Variants in NAMPT observed in about 807,000 individuals in gnomAD.
NAMPT encodes nicotinamide phosphoribosyltransferase.
In NAMPT, 7 loss-of-function variants were observed where a neutral mutation model predicts 58.7. The ratio of observed to expected loss-of-function variants is 0.12; its 90% confidence interval spans 0.07 to 0.22. The LOEUF is 0.22. Among genes scored for constraint, NAMPT ranks in the 10% least tolerant of loss-of-function variants. The pLI is 1.00. For synonymous variants in NAMPT, 145 were observed against 198.1 expected (o/e 0.73, Z 2.25); for missense variants, 271 against 567.9 (o/e 0.48, Z 5.31).
intron 4 of NAMPT, among the ~76,000 whole-genome samples, chr7:106,269,580 G>A (rs1193715699): frequency 6.6e-6 from 1 of 152,116 alleles, no homozygotes; most frequent in Admixed American, 6.5e-5. Context: ...AAGCTTCAAA[G>A]AAGCAAATAA....
chr7:106,284,966 T>G lies in NAMPT; in HGVS notation c.-82A>C, dbSNP rs982303422. 35 of 1,530,406 alleles carry G rather than the reference T, an allele frequency of 2.3e-5. No individual in the cohort carries two copies. The Middle Eastern group carries it at 7.2e-4, about 32-fold the overall frequency. The allele number at this position is 1,530,406 out of a possible 1,614,324, so 94.8% of individuals were successfully genotyped here. A position where few individuals can be genotyped will look rare whatever the true frequency, so the allele number is the denominator to read the frequency against. On this transcript the variant is annotated 5_prime_UTR_variant, in exon 1 of 11. Coordinates refer to ENST00000222553, the MANE Select transcript of NAMPT (RefSeq NM_005746.3). ...AGGAGAAAAATGAGCTTCACCGCGCTCCGTTGCTTAAGTCACTGCTCGGTC... is the reference window on the plus strand; with the variant it reads ...AGGAGAAAAATGAGCTTCACCGCGCGCCGTTGCTTAAGTCACTGCTCGGTC...
Position 106,248,980 on chromosome 7 carries a change from A to G in NAMPT, c.*2103T>C, listed in dbSNP as rs1342000894. ...ACTGCAAATTTCTAAATTAAACTCT[A>G]TTCTGAAGCTGCTGAAATTCACAGA... On this transcript the variant is annotated 3_prime_UTR_variant, in exon 11 of 11. Transcript: ENST00000222553. The G allele has an allele frequency of 6.6e-6, 1 of 152,096 alleles. No individual in the cohort carries two copies. Among genetic ancestry groups the G allele is most frequent in the East Asian group, 1.9e-4 (1 of 5,198 alleles). 9.4% of individuals were successfully genotyped at this position (152,096 alleles called of 1,614,324 possible).
intron 6 of NAMPT, 109 bp downstream of exon 6, chr7:106,268,355 T>A: frequency 1.1e-6 from 1 of 941,196 alleles, no homozygotes; most frequent in Non-Finnish European, 1.6e-6. Flanking sequence ...CTCAAGTTCA[T>A]GAAGATGTAC....
intron 1 of NAMPT, chr7:106,284,464 G>C (rs1195702477): frequency 6.6e-6 from 1 of 152,432 alleles, no homozygotes; most frequent in East Asian, 1.9e-4. Flanking sequence ...AAGAGGCCGC[G>C]CTTCAGGGAA....
chr7:106,256,677 G>A (rs1304421675), intron 8 of NAMPT, among the ~76,000 whole-genome samples: 1 of 152,176 alleles, frequency 6.6e-6, no homozygotes, highest in Non-Finnish European at 1.5e-5. Context: ...TTAGATGACT[G>A]CTCAACTGTA....
intron 7 of NAMPT, among the ~76,000 whole-genome samples, chr7:106,262,345 T>C (rs1046511676): frequency 2.6e-5 from 4 of 152,096 alleles, no homozygotes; most frequent in Non-Finnish European, 5.9e-5. Context: ...AGAAATACAT[T>C]CTCTTCCCAC....
At chr7:106,276,292 G>GCC (rs929949040) in intron 2 of NAMPT, 36 of 152,152 alleles carry the variant, frequency 2.4e-4, no homozygotes, top group African/African-American at 8.7e-4. Context: ...CCTAGAAATG[G>GCC]CCTTTCAAAT....
At chr7:106,265,802 A>T (rs1318666695) in intron 6 of NAMPT, among the ~76,000 whole-genome samples, 1 of 152,164 alleles carries the variant, frequency 6.6e-6, no homozygotes, top group East Asian at 1.9e-4. Context: ...AATTCTACCA[A>T]TGCCATAAAT....
At position 106,249,260 on chromosome 7, in the gene NAMPT, T is replaced by A. The variant is rs1405803736; in HGVS notation, c.*1823A>T. The A allele has an allele frequency of 2.6e-5, 4 of 152,522 alleles. No individual in the cohort carries two copies. The East Asian group carries it at 5.8e-4, about 22-fold the overall frequency. 9.4% of individuals were successfully genotyped at this position (152,522 alleles called of 1,614,324 possible). ...AATAATGCTTATTGTTCTCACTACA[T>A]GTTTAAAGAACCATCTGAAAAACAT... On this transcript the variant is annotated 3_prime_UTR_variant, in exon 11 of 11. Coordinates refer to ENST00000222553, the MANE Select transcript of NAMPT (RefSeq NM_005746.3).
At chr7:106,275,728 A>T (rs1792623706) in intron 2 of NAMPT, 1 of 152,256 alleles carries the variant, frequency 6.6e-6, no homozygotes, top group South Asian at 2.1e-4. Flanking sequence ...CAAGATAACT[A>T]GTAAACTCGT....
chr7:106,256,235 A>T (rs1427706034), intron 8 of NAMPT, among the ~76,000 whole-genome samples: 1 of 152,236 alleles, frequency 6.6e-6, no homozygotes, highest in African/African-American at 2.4e-5. Context: ...GGCGCTCTGT[A>T]TTTTGTCCAA....
At chr7:106,283,668 ATACTT>A (rs1157425157) in intron 1 of NAMPT, among the ~76,000 whole-genome samples, 2 of 152,336 alleles carry the variant, frequency 1.3e-5, no homozygotes, top group East Asian at 1.9e-4. Flanking sequence ...GGATTTTGCA[ATACTT>A]TAAACTTGCA....
chr7:106,284,650 C>T, intron 1 of NAMPT, 178 bp downstream of exon 1: 1 of 631,618 alleles, frequency 1.6e-6, no homozygotes, highest in Non-Finnish European at 2.1e-6. Context: ...CTGCCCACTG[C>T]GGCGCCTCCT....
At chr7:106,280,048 T>C (rs996751216) in intron 1 of NAMPT, among the ~76,000 whole-genome samples, 3 of 152,176 alleles carry the variant, frequency 2.0e-5, no homozygotes, top group Admixed American at 1.3e-4. Flanking sequence ...GCCTGGATTT[T>C]ATACCAAGTG....
chr7:106,249,314 A>G lies in NAMPT; in HGVS notation c.*1769T>C, dbSNP rs895534249. Reference sequence around the variant, plus strand: ...CTTTCTAATACCACTTACAAAAAACATTTAATGAAGATAACACTTCTAATT... The same window carrying G: ...CTTTCTAATACCACTTACAAAAAACGTTTAATGAAGATAACACTTCTAATT... On this transcript the variant is annotated 3_prime_UTR_variant, in exon 11 of 11. Transcript: ENST00000222553. 6.6e-6 allele frequency: 1 copy of G among 152,556 alleles called. No individual in the cohort carries two copies. The highest frequency in any genetic ancestry group is 2.4e-5 in the African/African-American group (1 of 41,432). The allele number at this position is 152,556 out of a possible 1,614,324, so 9.5% of individuals were successfully genotyped here.
Position 106,261,631 on chromosome 7 carries a change from C to T in NAMPT, c.1046G>A (p.Arg349Lys). 1.0e-5 allele frequency: 16 copies of T among 1,594,222 alleles called. No individual in the cohort carries two copies. Among genetic ancestry groups the T allele is most frequent in the Non-Finnish European group, 1.3e-5 (15 of 1,162,106 alleles). Residue 349 changes from arginine to lysine, a missense_variant, in exon 8 of 11, where the codon AGA (arginine) becomes AAA (lysine). Transcript: ENST00000222553. ...ATCTACTCCATCCCCTTGAATAACT[C>T]TAAGATAAGGTGGCAGCAACTTGTA... is the stretch of plus-strand genomic sequence containing the variant. Reference protein sequence around the residue: ...KGYKLLPPYLRVIQGDGVDIN... With the variant: ...KGYKLLPPYLKVIQGDGVDIN...
At chr7:106,261,008 T>G (rs545316139) in intron 8 of NAMPT, among the ~76,000 whole-genome samples, 7 of 152,334 alleles carry the variant, frequency 4.6e-5, no homozygotes, top group African/African-American at 1.7e-4. Context: ...AGTGAATACA[T>G]GTTGGAAAAA....
rs896958747 is a variant in NAMPT, at chr7:106,253,009, A to G, written c.1365+8T>C. ...TGCTTAAAAAAACCAATCAGCATAG[A>G]TACATACCTGACCATATTCCTCAAG... On this transcript the variant is annotated splice_region_variant and intron_variant, in intron 10 of 10. Transcript: ENST00000222553. 1 of 1,612,728 alleles carries G rather than the reference A, an allele frequency of 6.2e-7. No homozygotes were observed. Among genetic ancestry groups the G allele is most frequent in the Admixed American group, 1.7e-5 (1 of 59,936 alleles).
intron 1 of NAMPT, among the ~76,000 whole-genome samples, chr7:106,283,690 A>C (rs1199161448): frequency 6.6e-6 from 1 of 152,234 alleles, no homozygotes; most frequent in Non-Finnish European, 1.5e-5. Flanking sequence ...TGCATCTAAA[A>C]GACAACTTGT....
Sources: allele counts gnomAD v4.1 joint callset (sites outside exome capture counted in the v4.1 genomes callset), GRCh38; gene constraint gnomAD v4.1.1; transcripts MANE v1.5; gene names NCBI Gene and HGNC (gene_info 2026-07-23, HGNC 2026-07-21).